The following TNR variants were observed in gnomAD, a reference collection of about 807,000 sequenced individuals.
The protein encoded by TNR is tenascin-R.
In TNR, 45 loss-of-function variants were observed where a neutral mutation model predicts 150.4. The ratio of observed to expected loss-of-function variants is 0.30; its 90% CI spans 0.24 to 0.38. TNR has a LOEUF of 0.38. Ranked by LOEUF, TNR falls within the 10% of genes least tolerant of loss-of-function variation. The pLI, the probability that TNR is intolerant of heterozygous loss-of-function variation, is 1.00. For synonymous variants in TNR, 687 were observed against 678.4 expected, an observed-to-expected ratio of 1.01 and a Z score of -0.20; for missense variants, 1,544 against 1,759.1, an observed-to-expected ratio of 0.88 and a Z score of 2.19.
At position 175,329,929 on chromosome 1, in the gene TNR, T is replaced by G. The variant is rs1260772423; in HGVS notation, c.3793+145A>C. 4.3e-6 allele frequency: 4 copies of G among 922,204 alleles called. No individual in the cohort carries two copies. In the African/African-American group the frequency reaches 6.6e-5, roughly 15 times the overall value. The allele number at this position is 922,204 out of a possible 1,614,324, so 57.1% of individuals were successfully genotyped here. The stretch of plus-strand genomic sequence containing the variant: ...TGGGACCAGTGCCAGTGGTTCCCAG[T>G]GGCATGGCCCTTCTTCTCCCTGGCC... On this transcript the variant is annotated intron_variant, in intron 21 of 22. Transcript: ENST00000367674.
In TNR at chr1:175,652,304, C is replaced by T. The variant is rs543541632; in HGVS notation, c.-165+90922G>A. On this transcript the variant is annotated intron_variant, in intron 1 of 22. Transcript: ENST00000367674. ...AGGGGCACAAATGACAAGGTGAAAA[C>T]TTAATAGTTTCAACTACATCAGAAT... Among the ~76,000 whole-genome samples, 27 of 151,714 alleles carry T rather than the reference C, an allele frequency of 1.8e-4. 1 individual carries two copies. In the South Asian group the frequency reaches 5.6e-3, roughly 32 times the overall value.
At chr1:175,431,049 T>G (rs28613886) in intron 2 of TNR, among the ~76,000 whole-genome samples, 2 of 151,946 alleles carry the variant, frequency 1.3e-5, no homozygotes, top group Admixed American at 6.6e-5. Context: ...CTCATAACAG[T>G]ACCTATTCCA....
chr1:175,364,625 G>A (rs1557886869), intron 12 of TNR, among the ~76,000 whole-genome samples: 1 of 152,192 alleles, frequency 6.6e-6, no homozygotes, highest in Non-Finnish European at 1.5e-5. Context: ...ATTATTGTAC[G>A]AGTGAACTTT....
chr1:175,583,463 T>C (rs990113924), intron 1 of TNR, among the ~76,000 whole-genome samples: 4 of 152,158 alleles, frequency 2.6e-5, no homozygotes, highest in African/African-American at 9.7e-5. Context: ...GCCAAGGTCA[T>C]GCACAATTTC....
Position 175,318,494 on chromosome 1 carries a change from C to G in TNR, c.*4863G>C, listed in dbSNP as rs1648903350. 6.6e-6 allele frequency: 1 copy of G among 152,234 alleles called. No individual in the cohort carries two copies. Among genetic ancestry groups the G allele is most frequent in the Non-Finnish European group, 1.5e-5 (1 of 68,048 alleles). The allele number at this position is 152,234 out of a possible 1,614,324, so 9.4% of individuals were successfully genotyped here. Reference sequence around the variant, plus strand: ...ATCATCTTAAAGCATATAGGAGTTACTTTCCCTGCTTGCTTTTGAAAGTTT... The same window carrying G: ...ATCATCTTAAAGCATATAGGAGTTAGTTTCCCTGCTTGCTTTTGAAAGTTT... On this transcript the variant is annotated 3_prime_UTR_variant, in exon 23 of 23. Coordinates refer to ENST00000367674, the MANE Select transcript of TNR (RefSeq NM_003285.3).
chr1:175,600,337 A>G (rs7539708), intron 1 of TNR, among the ~76,000 whole-genome samples: 39,506 of 152,144 alleles, frequency 0.26, 9,003 homozygotes, highest in African/African-American at 0.61. Context: ...GCAGTGAGAT[A>G]TCCTATAAAA....
chr1:175,677,980 G>A (rs1356285728), intron 1 of TNR, among the ~76,000 whole-genome samples: 1 of 152,136 alleles, frequency 6.6e-6, no homozygotes, highest in Non-Finnish European at 1.5e-5. Flanking sequence ...CCACCGAGAA[G>A]TGCATTAGGC....
intron 1 of TNR, among the ~76,000 whole-genome samples, chr1:175,643,771 T>C (rs1323984559): frequency 6.6e-6 from 1 of 152,206 alleles, no homozygotes; most frequent in African/African-American, 2.4e-5. Flanking sequence ...CTATTCAATA[T>C]TCAGCAATAC....
At chr1:175,679,770 C>T (rs1297613092) in intron 1 of TNR, among the ~76,000 whole-genome samples, 4 of 152,246 alleles carry the variant, frequency 2.6e-5, no homozygotes, top group African/African-American at 4.8e-5. Flanking sequence ...CAGAAGGCAG[C>T]GTGGAAGAGG....
At chr1:175,453,297 T>C (rs1390499015) in intron 2 of TNR, among the ~76,000 whole-genome samples, 1 of 152,004 alleles carries the variant, frequency 6.6e-6, no homozygotes, top group Non-Finnish European at 1.5e-5. Flanking sequence ...GAAATAAAGC[T>C]GAGCCAGACT....
Position 175,630,191 on chromosome 1 carries a change from T to C in TNR, c.-164-101822A>G, listed in dbSNP as rs140329326. Among the ~76,000 whole-genome samples the C allele has an allele frequency of 1.7e-3, 266 of 152,340 alleles. 1 individual carries two copies. The highest frequency in any genetic ancestry group is 6.2e-3 in the African/African-American group (259 of 41,578). On this transcript the variant is annotated intron_variant, in intron 1 of 22. Transcript: ENST00000367674. ...TATCAAGAGCGATAGGTTACTTTTATGCTCTGGACTCCAAGAAGAGATCTG... is the reference window on the plus strand; with the variant it reads ...TATCAAGAGCGATAGGTTACTTTTACGCTCTGGACTCCAAGAAGAGATCTG...
chr1:175,349,785 G>T (rs1650970153), intron 18 of TNR, among the ~76,000 whole-genome samples: 1 of 152,168 alleles, frequency 6.6e-6, no homozygotes, highest in South Asian at 2.1e-4. Context: ...GACATGCATG[G>T]AAATGGTTTG....
intron 2 of TNR, among the ~76,000 whole-genome samples, chr1:175,475,215 C>A (rs183106887): frequency 9.2e-5 from 14 of 152,296 alleles, no homozygotes; most frequent in Admixed American, 7.8e-4. Context: ...CATGTAGACT[C>A]TTCTCCATAT....
At chr1:175,579,181 C>CTTCCTTCA (rs1558017802) in intron 1 of TNR, among the ~76,000 whole-genome samples, 2 of 150,562 alleles carry the variant, frequency 1.3e-5, no homozygotes, top group Admixed American at 1.3e-4. Flanking sequence ...TCCTTCCTTC[C>CTTCCTTCA]TTCCTTCCTT....
intron 1 of TNR, among the ~76,000 whole-genome samples, chr1:175,712,953 A>G (rs1667058274): frequency 6.6e-6 from 1 of 152,144 alleles, no homozygotes; most frequent in South Asian, 2.1e-4. Flanking sequence ...AAAGTCCATG[A>G]TGTCTATAGG....
chr1:175,707,279 T>C (rs1474491877), intron 1 of TNR, among the ~76,000 whole-genome samples: 3 of 152,244 alleles, frequency 2.0e-5, no homozygotes, highest in Admixed American at 2.0e-4. Flanking sequence ...TTACATTTTC[T>C]TAATATACTC....
At chr1:175,714,123 A>G (rs1211965732) in intron 1 of TNR, among the ~76,000 whole-genome samples, 1 of 151,022 alleles carries the variant, frequency 6.6e-6, no homozygotes, top group Non-Finnish European at 1.5e-5. Context: ...CTCTCTTTAA[A>G]ACTCCTGCAC....
intron 2 of TNR, among the ~76,000 whole-genome samples, chr1:175,442,136 A>T (rs1288192884): frequency 6.6e-6 from 1 of 152,162 alleles, no homozygotes; most frequent in East Asian, 1.9e-4. Flanking sequence ...CAGCTGGTAG[A>T]TAGTGCAGTC....
intron 18 of TNR, among the ~76,000 whole-genome samples, chr1:175,340,263 T>C (rs758181983): frequency 6.6e-6 from 1 of 152,202 alleles, no homozygotes; most frequent in South Asian, 2.1e-4. Context: ...GAGGCAATGA[T>C]GCATCGTTGC....
Sources: allele counts gnomAD v4.1 joint callset (sites outside exome capture counted in the v4.1 genomes callset), GRCh38; gene constraint gnomAD v4.1.1; transcripts MANE v1.5; gene names NCBI Gene and HGNC (gene_info 2026-07-23, HGNC 2026-07-21).